The following CSMD1 variants were observed in gnomAD, a reference collection of about 807,000 sequenced individuals.
CSMD1 encodes the protein CUB and Sushi multiple domains 1, also known as CUB and sushi domain-containing protein 1.
CSMD1 carries 213 observed loss-of-function variants against 417.5 expected under a neutral mutation model. That is an observed-to-expected ratio of 0.51 (90% CI 0.46 to 0.57). The LOEUF (loss-of-function observed/expected upper bound fraction) is 0.57, where lower values mean the gene tolerates loss of function less well. CSMD1 is among the 20% of genes least tolerant of loss of function. The pLI, the probability that CSMD1 is intolerant of heterozygous loss-of-function variation, is 0.00. For missense variants in CSMD1, 6,923 were observed against 4,529.7 expected (o/e 1.53, Z -15.17); for synonymous variants, 2,862 against 1,736.8 (o/e 1.65, Z -16.11).
intron 10 of CSMD1, among the ~76,000 whole-genome samples, chr8:3,546,070 G>A (rs1430187707): frequency 1.3e-5 from 2 of 152,188 alleles, no homozygotes; most frequent in Non-Finnish European, 2.9e-5. Context: ...ACATTTAACA[G>A]CCCTTGCTAA....
At chr8:4,667,724 T>C (rs1472740918) in intron 1 of CSMD1, among the ~76,000 whole-genome samples, 1 of 152,236 alleles carries the variant, frequency 6.6e-6, no homozygotes. Flanking sequence ...TCACATGGCA[T>C]TATTAAACTC....
chr8:4,360,800 G>C (rs1378690226), intron 3 of CSMD1, among the ~76,000 whole-genome samples: 1 of 151,442 alleles, frequency 6.6e-6, no homozygotes, highest in Admixed American at 6.6e-5. Context: ...GGCCCCTCGG[G>C]GTTCGTAATC....
At chr8:3,429,947 G>C (rs147362547) in intron 12 of CSMD1, among the ~76,000 whole-genome samples, 1 of 152,074 alleles carries the variant, frequency 6.6e-6, no homozygotes, top group East Asian at 1.9e-4. Flanking sequence ...TGTCAATCTC[G>C]ATATGTATTA....
chr8:4,457,800 G>C (rs949128408), intron 2 of CSMD1, among the ~76,000 whole-genome samples: 11 of 152,076 alleles, frequency 7.2e-5, no homozygotes, highest in African/African-American at 2.7e-4. Context: ...CTCTTAGCTG[G>C]CTTCTCACCA....
intron 10 of CSMD1, among the ~76,000 whole-genome samples, chr8:3,538,511 A>C (rs1003823056): frequency 2.0e-5 from 3 of 152,106 alleles, no homozygotes; most frequent in Non-Finnish European, 4.4e-5. Context: ...GCCTCACCTG[A>C]GATGCCCCAC....
intron 11 of CSMD1, among the ~76,000 whole-genome samples, chr8:3,483,592 T>C (rs1563081308): frequency 1.3e-5 from 2 of 151,830 alleles, no homozygotes; most frequent in Non-Finnish European, 2.9e-5. Context: ...TTGCAGAAAA[T>C]AACAAAAGAG....
At chr8:2,999,926 T>C (rs1738091301) in intron 53 of CSMD1, 32 bp downstream of exon 53, 2 of 1,572,288 alleles carry the variant, frequency 1.3e-6, no homozygotes, top group Admixed American at 1.7e-5. Context: ...AAAGGAAGCA[T>C]CGATGAATTC....
intron 7 of CSMD1, among the ~76,000 whole-genome samples, chr8:3,684,994 T>C (rs539039015): frequency 6.6e-6 from 1 of 152,286 alleles, no homozygotes; most frequent in Admixed American, 6.5e-5. Context: ...CGGGAATCAA[T>C]ATTTTTGGAC....
At chr8:4,282,415 A>G (rs909394088) in intron 3 of CSMD1, among the ~76,000 whole-genome samples, 1 of 152,162 alleles carries the variant, frequency 6.6e-6, no homozygotes, top group Admixed American at 6.5e-5. Flanking sequence ...CATCCCAAGG[A>G]TGTCCTCTTC....
chr8:3,378,996 C>G (rs1318156270), intron 18 of CSMD1, among the ~76,000 whole-genome samples: 1 of 152,138 alleles, frequency 6.6e-6, no homozygotes, highest in Non-Finnish European at 1.5e-5. Flanking sequence ...ATTTAGAAAA[C>G]CCCATTTTCT....
chr8:3,689,115 C>T (rs1041580216), intron 7 of CSMD1, among the ~76,000 whole-genome samples: 1 of 152,128 alleles, frequency 6.6e-6, no homozygotes, highest in African/African-American at 2.4e-5. Flanking sequence ...TAACAGCAAC[C>T]AAACAACTCC....
At chr8:3,434,741 G>A (rs549048633) in intron 12 of CSMD1, among the ~76,000 whole-genome samples, 16 of 152,184 alleles carry the variant, frequency 1.1e-4, no homozygotes, top group African/African-American at 2.4e-4. Flanking sequence ...TTTAACATCC[G>A]CAGATAGCTT....
intron 3 of CSMD1, among the ~76,000 whole-genome samples, chr8:4,156,203 G>A (rs896131359): frequency 1.3e-5 from 2 of 152,108 alleles, no homozygotes; most frequent in Admixed American, 1.3e-4. Context: ...ATCTGGACTG[G>A]GATCACTGTG....
At chr8:4,379,213 C>A (rs1240254255) in intron 3 of CSMD1, among the ~76,000 whole-genome samples, 3 of 152,070 alleles carry the variant, frequency 2.0e-5, no homozygotes, top group Non-Finnish European at 4.4e-5. Flanking sequence ...ATAAATTCAA[C>A]CAAATTATGG....
chr8:3,804,398 C>T (rs1015123608), intron 5 of CSMD1, among the ~76,000 whole-genome samples: 1 of 152,040 alleles, frequency 6.6e-6, no homozygotes, highest in Non-Finnish European at 1.5e-5. Context: ...ATAAAAAATA[C>T]ATTAATTAAA....
intron 3 of CSMD1, among the ~76,000 whole-genome samples, chr8:4,242,649 A>G (rs941722623): frequency 1.3e-5 from 2 of 152,200 alleles, no homozygotes; most frequent in Non-Finnish European, 1.5e-5. Flanking sequence ...GTTTGGAAAT[A>G]GATTCCCTCC....
At chr8:4,154,618 G>A (rs1042699010) in intron 3 of CSMD1, among the ~76,000 whole-genome samples, 1 of 152,118 alleles carries the variant, frequency 6.6e-6, no homozygotes, top group Non-Finnish European at 1.5e-5. Flanking sequence ...GCCTACAAAA[G>A]GCCTAAGTAA....
chr8:3,511,222 G>A (rs1797052782), intron 10 of CSMD1, among the ~76,000 whole-genome samples: 1 of 151,686 alleles, frequency 6.6e-6, no homozygotes, highest in Admixed American at 6.6e-5. Flanking sequence ...ATACACCAGG[G>A]CCTGTTGGGG....
chr8:4,442,559 G>C lies in CSMD1; in HGVS notation c.303-22494C>G, dbSNP rs576925477. Among the ~76,000 whole-genome samples the C allele has an allele frequency of 2.0e-5, 3 of 152,266 alleles. No individual in the cohort carries two copies. In the South Asian group the frequency reaches 6.2e-4, roughly 32 times the overall value. ...ACCTCTCAAACCATATGCAACTAAA[G>C]AGATTTTATCTTGTTTCACTTATAG... On this transcript the variant is annotated intron_variant, in intron 2 of 69. Transcript: ENST00000635120.
Sources: allele counts gnomAD v4.1 joint callset (sites outside exome capture counted in the v4.1 genomes callset), GRCh38; gene constraint gnomAD v4.1.1; transcripts MANE v1.5; gene names NCBI Gene and HGNC (gene_info 2026-07-23, HGNC 2026-07-21).